The following CAST variants were observed in gnomAD, a reference collection of about 807,000 sequenced individuals.
CAST encodes MIR583 host.
CAST carries 76 observed loss-of-function variants against 119.6 expected under a neutral mutation model. The observed-to-expected ratio is 0.64, with a 90% confidence interval of 0.53 to 0.77. The LOEUF is 0.77. CAST is among the 30% of genes least tolerant of loss of function. The pLI is 0.00. For synonymous variants in CAST, 319 were observed against 331.6 expected, an observed-to-expected ratio of 0.96 and a Z score of 0.41; for missense variants, 953 against 946.5, an observed-to-expected ratio of 1.01 and a Z score of -0.09.
At chr5:96,000,392 AATCC>A in the CAST span, among the ~76,000 whole-genome samples, 1 of 152,202 alleles carries the variant, frequency 6.6e-6, no homozygotes. Flanking sequence ...TTAAGTTTAC[AATCC>A]TTTTTTATTT....
At chr5:96,466,574 G>GTTT in the CAST span, among the ~76,000 whole-genome samples, 1 of 150,668 alleles carries the variant, frequency 6.6e-6, no homozygotes, top group East Asian at 2.0e-4. Flanking sequence ...TTTGTGTGGG[G>GTTT]TTTTTTTTTC....
chr5:96,277,330 T>G, the CAST span, among the ~76,000 whole-genome samples: 2 of 152,196 alleles, frequency 1.3e-5, no homozygotes, highest in South Asian at 4.1e-4. Context: ...TTTCCCCACT[T>G]TCTTTCCAGC....
chr5:96,687,392 C>T (rs886329143), intron 2 of CAST, among the ~76,000 whole-genome samples: 5 of 152,192 alleles, frequency 3.3e-5, no homozygotes, highest in African/African-American at 9.7e-5. Flanking sequence ...AGACACTTCA[C>T]ATGTTATAGA....
At chr5:96,304,044 G>T in the CAST span, among the ~76,000 whole-genome samples, 1 of 152,180 alleles carries the variant, frequency 6.6e-6, no homozygotes, top group Non-Finnish European at 1.5e-5. Flanking sequence ...CACAATGGTT[G>T]AACTAATTTA....
chr5:96,664,515 G>C (rs1158413960), intron 1 of CAST, among the ~76,000 whole-genome samples: 2 of 151,992 alleles, frequency 1.3e-5, no homozygotes. Flanking sequence ...TCCCACCTCA[G>C]CCTCCCAAAA....
At chr5:96,412,752 G>GTTTTGTTTTT in the CAST span, among the ~76,000 whole-genome samples, 3 of 71,832 alleles carry the variant, frequency 4.2e-5, no homozygotes, top group African/African-American at 1.8e-4. Flanking sequence ...CAGCTGTGAT[G>GTTTTGTTTTT]TTTTTTTTTT....
chr5:95,970,918 G>A, the CAST span, among the ~76,000 whole-genome samples: 1 of 152,144 alleles, frequency 6.6e-6, no homozygotes, highest in Admixed American at 6.5e-5. Context: ...AATATAAGAA[G>A]TATAAGGTAT....
chr5:95,973,588 T>G, the CAST span: 1 of 152,058 alleles, frequency 6.6e-6, no homozygotes, highest in Non-Finnish European at 1.5e-5. Flanking sequence ...AAGACAATCG[T>G]TTTTTTCCAT....
intron 1 of CAST, among the ~76,000 whole-genome samples, chr5:96,580,311 T>A (rs1746747601): frequency 6.6e-6 from 1 of 152,190 alleles, no homozygotes; most frequent in Non-Finnish European, 1.5e-5. Context: ...TGTGATGAAA[T>A]TTAATGACGA....
chr5:96,147,319 T>C, the CAST span, among the ~76,000 whole-genome samples: 2,473 of 152,258 alleles, frequency 0.016, 56 homozygotes, highest in African/African-American at 0.056. Context: ...TACAAATAAT[T>C]TGGGGCCGGG....
intron 4 of CAST, among the ~76,000 whole-genome samples, chr5:96,726,470 ATAAC>A (rs1370472910): frequency 6.6e-6 from 1 of 152,242 alleles, no homozygotes; most frequent in Non-Finnish European, 1.5e-5. Context: ...CTATTTGATC[ATAAC>A]TAAACATTGG....
At chr5:96,248,206 T>C in the CAST span, among the ~76,000 whole-genome samples, 2 of 152,240 alleles carry the variant, frequency 1.3e-5, no homozygotes, top group African/African-American at 4.8e-5. Context: ...CTTTGCTCTT[T>C]GTCCCTCTTG....
chr5:96,268,420 A>T, the CAST span, among the ~76,000 whole-genome samples: 2 of 152,044 alleles, frequency 1.3e-5, no homozygotes, highest in Non-Finnish European at 2.9e-5. Flanking sequence ...ATAAAAAAAA[A>T]TTTTATAATT....
At chr5:96,271,856 C>T in the CAST span, among the ~76,000 whole-genome samples, 1 of 151,964 alleles carries the variant, frequency 6.6e-6, no homozygotes, top group Admixed American at 6.6e-5. Flanking sequence ...TGCAAACTAC[C>T]CATCTGACAA....
chr5:96,654,027 CT>C (rs71617134), intron 1 of CAST, among the ~76,000 whole-genome samples: 51,009 of 125,988 alleles, frequency 0.4, 7,646 homozygotes, highest in Middle Eastern at 0.51. Flanking sequence ...CTTTTCTTTT[CT>C]TTTTTTTTTT....
the CAST span, among the ~76,000 whole-genome samples, chr5:96,049,889 C>CAAAAAAAAAAAAAAAAAAAA: frequency 5.0e-4 from 17 of 34,186 alleles, 1 homozygote; most frequent in East Asian, 1.3e-3. Flanking sequence ...GAACAGGAGG[C>CAAAAAAAAAAAAAAAAAAAA]AAAAAAAAAA....
At chr5:96,199,250 G>A in the CAST span, among the ~76,000 whole-genome samples, 3 of 152,114 alleles carry the variant, frequency 2.0e-5, no homozygotes, top group African/African-American at 4.8e-5. Flanking sequence ...GAGAAAGAAA[G>A]GCTTTGGTGT....
chr5:96,291,249 T>G, the CAST span, among the ~76,000 whole-genome samples: 7 of 152,324 alleles, frequency 4.6e-5, no homozygotes, highest in African/African-American at 1.7e-4. Context: ...AAACAATTAT[T>G]ATAATTTAAA....
At chr5:96,531,967 G>T (rs1457700166) in intron 1 of CAST, among the ~76,000 whole-genome samples, 1 of 152,110 alleles carries the variant, frequency 6.6e-6, no homozygotes, top group East Asian at 1.9e-4. Flanking sequence ...AAAAATAAAA[G>T]TTAGAGCAGG....
Sources: gnomAD v4.1 joint callset for allele counts (sites outside exome capture counted in the v4.1 genomes callset) on GRCh38, gnomAD v4.1.1 for gene constraint, MANE v1.5 for transcripts, NCBI Gene and HGNC (gene_info 2026-07-23, HGNC 2026-07-21) for gene names.